The following SGPP1 variants were observed in gnomAD, a reference collection of about 807,000 sequenced individuals.
The protein encoded by SGPP1 is hSPP1.
In SGPP1, 21 loss-of-function variants were observed where a neutral mutation model predicts 33.0. The observed-to-expected ratio is 0.64, with a 90% CI of 0.45 to 0.92. The LOEUF is 0.92. SGPP1 is among the 40% of genes least tolerant of loss of function. The pLI, the probability that SGPP1 is intolerant of heterozygous loss-of-function variation, is 0.00. For missense variants in SGPP1, 543 were observed against 589.4 expected, an observed-to-expected ratio of 0.92 and a Z score of 0.81; for synonymous variants, 239 against 241.2, an observed-to-expected ratio of 0.99 and a Z score of 0.08.
chr14:63,695,587 G>GT (rs1271228341), intron 2 of SGPP1, among the ~76,000 whole-genome samples: 3 of 152,154 alleles, frequency 2.0e-5, no homozygotes, highest in Non-Finnish European at 4.4e-5. Flanking sequence ...ATAACAAACA[G>GT]TTTTTAACCT....
intron 1 of SGPP1, among the ~76,000 whole-genome samples, chr14:63,708,313 A>G (rs1248038031): frequency 1.4e-5 from 2 of 140,942 alleles, no homozygotes; most frequent in African/African-American, 5.4e-5. Context: ...CTGGAGTGCA[A>G]TGCCCCATCT....
Position 63,698,606 on chromosome 14 carries a change from C to G in SGPP1, c.737G>C (p.Cys246Ser), listed in dbSNP as rs949011062. The stretch of plus-strand genomic sequence containing the variant: ...CATTCCCATGTAAATTCTACTTAGG[C>G]AAACTAGAGAACACCAGCAGGGAAT... Reference protein sequence around the residue: ...ILIPCWCSLVCLSRIYMGMHS... With the variant: ...ILIPCWCSLVSLSRIYMGMHS... Residue 246 changes from cysteine (C) to serine (S), a missense_variant, in exon 2 of 3, where the codon TGC becomes TCC. Coordinates refer to ENST00000247225, the MANE Select transcript of SGPP1 (RefSeq NM_030791.4). The G allele has an allele frequency of 5.0e-6, 8 of 1,604,600 alleles. No individual in the cohort carries two copies. Among genetic ancestry groups the G allele is most frequent in the Admixed American group, 1.7e-5 (1 of 59,090 alleles).
intron 1 of SGPP1, among the ~76,000 whole-genome samples, chr14:63,708,200 C>T (rs146016501): frequency 6.6e-6 from 1 of 151,276 alleles, no homozygotes; most frequent in Non-Finnish European, 1.5e-5. Flanking sequence ...CTATTCCTAC[C>T]TAACCCAATC....
In SGPP1 at chr14:63,712,013, G is replaced by A. The variant is rs186011119; in HGVS notation, c.685-13355C>T. Reference sequence around the variant, plus strand: ...CCACTGCACTCCAGCCTGGGCAACAGAGCAAGACTCCATCTCAAAAAAAAA... The same window carrying A: ...CCACTGCACTCCAGCCTGGGCAACAAAGCAAGACTCCATCTCAAAAAAAAA... On this transcript the variant is annotated intron_variant, in intron 1 of 2. Coordinates refer to ENST00000247225, the MANE Select transcript of SGPP1 (RefSeq NM_030791.4). 4.0e-3 allele frequency among the ~76,000 whole-genome samples: 546 copies of A among 138,120 alleles called. 1 individual carries two copies. Among genetic ancestry groups the A allele is most frequent in the Non-Finnish European group, 6.2e-3 (408 of 65,670 alleles). 90.6% of individuals were successfully genotyped at this position (138,120 alleles called of 152,430 possible).
chr14:63,691,558 C>A (rs1328730813), intron 2 of SGPP1, among the ~76,000 whole-genome samples: 1 of 152,138 alleles, frequency 6.6e-6, no homozygotes, highest in African/African-American at 2.4e-5. Flanking sequence ...CCTGCTATGA[C>A]TGTTTTCCAT....
chr14:63,705,082 G>A lies in SGPP1; in HGVS notation c.685-6424C>T, dbSNP rs139913462. Reference sequence around the variant, plus strand: ...GTGGGGGTTGCAGTGAGCCGAGATCGTGCCATTGCACTCCTGCGTGGGTGA... The same window carrying A: ...GTGGGGGTTGCAGTGAGCCGAGATCATGCCATTGCACTCCTGCGTGGGTGA... On this transcript the variant is annotated intron_variant, in intron 1 of 2. Transcript: ENST00000247225. Among the ~76,000 whole-genome samples, 540 of 151,720 alleles carry A rather than the reference G, an allele frequency of 3.6e-3. 4 individuals carry two copies. The highest frequency in any genetic ancestry group is 0.012 in the African/African-American group (491 of 41,352).
chr14:63,698,729 A>C, intron 1 of SGPP1, 71 bp from the exon 2 acceptor site: 3 of 815,336 alleles, frequency 3.7e-6, no homozygotes, highest in Non-Finnish European at 5.6e-6. Context: ...TAAAAGACAA[A>C]TCAAATCACT....
chr14:63,715,819 G>GA (rs1158871584), intron 1 of SGPP1, among the ~76,000 whole-genome samples: 1 of 152,206 alleles, frequency 6.6e-6, no homozygotes, highest in African/African-American at 2.4e-5. Context: ...CCAGACTGTA[G>GA]AAAAAACCAC....
At position 63,727,846 on chromosome 14, in the gene SGPP1, C is replaced by T; in HGVS notation, c.99G>A (p.Pro33=). Residue 33 remains proline (P), a synonymous_variant, in exon 1 of 3, where the codon CCG becomes CCA. Transcript: ENST00000247225. ...CCTCCCTCCGGTCTGCTGAGCGGCG[C>T]GGCGGCGCTTCCACCCCGCACAGCC... ...FQRLCGVEAP[P]RRSADRREDE... 1.3e-6 allele frequency: 2 copies of T among 1,519,378 alleles called. No individual in the cohort carries two copies. The highest frequency in any genetic ancestry group is 1.4e-5 in the African/African-American group (1 of 70,504). 94.1% of individuals were successfully genotyped at this position (1,519,378 alleles called of 1,614,324 possible). A position where few individuals can be genotyped will look rare whatever the true frequency, so the allele number is the denominator to read the frequency against.
At chr14:63,721,768 TCTTA>T (rs749229088) in intron 1 of SGPP1, among the ~76,000 whole-genome samples, 25 of 152,350 alleles carry the variant, frequency 1.6e-4, no homozygotes, top group African/African-American at 4.8e-4. Context: ...TTTCCAAAGC[TCTTA>T]CTATGTTTAT....
intron 1 of SGPP1, among the ~76,000 whole-genome samples, chr14:63,717,278 G>A (rs1202440552): frequency 6.7e-6 from 1 of 149,148 alleles, no homozygotes; most frequent in East Asian, 1.9e-4. Context: ...TCAGGGACCT[G>A]TGAATGAACA....
rs1172852792 is a variant in SGPP1, at chr14:63,727,404, T to A, written c.541A>T (p.Ile181Phe). ...GGCGAGGCGGGCCTCGGCCAGCGGA[T>A]GATGTCCTTGGTGCACTGGCCCAGG... ...MYLGQCTKDI[I>F]RWPRPASPPV... The change falls in exon 1 of 3, where the codon ATC becomes TTC. Residue 181 changes from isoleucine (I) to phenylalanine (F), a missense_variant. Transcript: ENST00000247225. 6.2e-7 allele frequency: 1 copy of A among 1,613,804 alleles called. No homozygotes were observed. The highest frequency in any genetic ancestry group is 8.5e-7 in the Non-Finnish European group (1 of 1,179,972).
Position 63,686,055 on chromosome 14 carries a change from G to T in SGPP1, c.*50C>A. ...TGGCTTTACCTGGAATATATTTTTG[G>T]GTATCAGTAACTGATACCCTCCTTT... On this transcript the variant is annotated 3_prime_UTR_variant, in exon 3 of 3. Coordinates refer to ENST00000247225, the MANE Select transcript of SGPP1 (RefSeq NM_030791.4). The T allele has an allele frequency of 2.7e-6, 3 of 1,109,646 alleles. No individual in the cohort carries two copies. Among genetic ancestry groups the T allele is most frequent in the South Asian group, 3.8e-5 (2 of 52,712 alleles). The allele number at this position is 1,109,646 out of a possible 1,614,324, so 68.7% of individuals were successfully genotyped here. A position where few individuals can be genotyped will look rare whatever the true frequency, so the allele number is the denominator to read the frequency against.
intron 1 of SGPP1, among the ~76,000 whole-genome samples, chr14:63,708,251 CTTTT>C (rs36105615): frequency 1.0e-5 from 1 of 97,896 alleles, no homozygotes; most frequent in African/African-American, 4.4e-5. Flanking sequence ...AGCAGCAATC[CTTTT>C]TTTTTTTTTT....
intron 1 of SGPP1, among the ~76,000 whole-genome samples, chr14:63,718,357 A>T (rs373006593): frequency 7.9e-5 from 12 of 152,254 alleles, no homozygotes; most frequent in African/African-American, 2.6e-4. Context: ...ATTTTTCCAA[A>T]ATTAATTCAA....
rs1445297271 is a variant in SGPP1, at chr14:63,694,088, T to C, written c.774+4481A>G. Among the ~76,000 whole-genome samples, 3 of 152,202 alleles carry C rather than the reference T, an allele frequency of 2.0e-5. No homozygotes were observed. In the East Asian group the frequency reaches 5.8e-4, roughly 29 times the overall value. ...TGAGCTCAGGAGTTCGAAAGCAGCC[T>C]GGGCAACATGGCCAAACCCTGTCTC... On this transcript the variant is annotated intron_variant, in intron 2 of 2. Transcript: ENST00000247225.
intron 2 of SGPP1, among the ~76,000 whole-genome samples, chr14:63,693,873 T>C (rs941968338): frequency 2.0e-5 from 3 of 152,250 alleles, no homozygotes; most frequent in South Asian, 2.1e-4. Flanking sequence ...GTTGGGATTA[T>C]AGGCGTGGGC....
At chr14:63,701,871 A>C (rs1259376104) in intron 1 of SGPP1, among the ~76,000 whole-genome samples, 1 of 150,516 alleles carries the variant, frequency 6.6e-6, no homozygotes, top group East Asian at 1.9e-4. Context: ...TGACCTTTAA[A>C]GTCTTTAAAA....
intron 2 of SGPP1, among the ~76,000 whole-genome samples, chr14:63,696,887 G>A (rs1452855359): frequency 6.6e-6 from 1 of 152,100 alleles, no homozygotes; most frequent in Non-Finnish European, 1.5e-5. Context: ...TCAGGAGGTT[G>A]AGGCACAAGA....
Sources: allele counts gnomAD v4.1 joint callset (sites outside exome capture counted in the v4.1 genomes callset), GRCh38; gene constraint gnomAD v4.1.1; transcripts MANE v1.5; gene names NCBI Gene and HGNC (gene_info 2026-07-23, HGNC 2026-07-21).